Variants in MINDY4 observed in about 807,000 individuals in gnomAD.
MINDY4 encodes the protein probable ubiquitin carboxyl-terminal hydrolase MINDY-4.
In MINDY4, 68 loss-of-function variants were observed where a neutral mutation model predicts 87.0. That is an observed-to-expected ratio of 0.78 (90% CI 0.64 to 0.96). MINDY4 has a LOEUF of 0.96. MINDY4 is among the 40% of genes least tolerant of loss of function. MINDY4 has a pLI of 0.00. For synonymous variants in MINDY4, 379 were observed against 363.2 expected, an observed-to-expected ratio of 1.04 and a Z score of -0.50; for missense variants, 919 against 928.2, an observed-to-expected ratio of 0.99 and a Z score of 0.13.
At chr7:30,816,994 C>T (rs964277855) in intron 5 of MINDY4, among the ~76,000 whole-genome samples, 16 of 152,180 alleles carry the variant, frequency 1.1e-4, no homozygotes, top group African/African-American at 3.6e-4. Context: ...TTAGTGCACG[C>T]GATGACTTCT....
intron 9 of MINDY4, among the ~76,000 whole-genome samples, chr7:30,848,051 T>C (rs1025649408): frequency 6.6e-6 from 1 of 152,244 alleles, no homozygotes; most frequent in Non-Finnish European, 1.5e-5. Context: ...GCTTTTAAAA[T>C]CTTATTTGTT....
chr7:30,793,123 T>C (rs1252455144), intron 5 of MINDY4, among the ~76,000 whole-genome samples: 1 of 146,450 alleles, frequency 6.8e-6, no homozygotes, highest in African/African-American at 2.5e-5. Context: ...TTTTTTTGTT[T>C]ATATTTATAT....
chr7:30,887,020 T>C (rs1039660206), intron 17 of MINDY4, among the ~76,000 whole-genome samples: 1 of 152,192 alleles, frequency 6.6e-6, no homozygotes, highest in African/African-American at 2.4e-5. Flanking sequence ...AACCGGAGCC[T>C]GGGGCTGGGG....
chr7:30,862,466 T>C (rs1789795152), intron 13 of MINDY4, among the ~76,000 whole-genome samples: 1 of 152,182 alleles, frequency 6.6e-6, no homozygotes, highest in Non-Finnish European at 1.5e-5. Context: ...CCAGCGGCGC[T>C]CCCTGCATCC....
At chr7:30,830,269 G>T (rs1235561560) in intron 6 of MINDY4, among the ~76,000 whole-genome samples, 2 of 152,168 alleles carry the variant, frequency 1.3e-5, no homozygotes, top group East Asian at 3.9e-4. Context: ...CCTTTTTGGA[G>T]GGTGGGGTGG....
At chr7:30,874,970 A>G (rs577036312) in intron 14 of MINDY4, among the ~76,000 whole-genome samples, 147 of 152,358 alleles carry the variant, frequency 9.6e-4, no homozygotes, top group Non-Finnish European at 1.8e-3. Context: ...ATTTCAAAAT[A>G]AAAAGGTTTC....
At chr7:30,890,846 A>G (rs910067053) in intron 17 of MINDY4, among the ~76,000 whole-genome samples, 1 of 152,200 alleles carries the variant, frequency 6.6e-6, no homozygotes, top group African/African-American at 2.4e-5. Flanking sequence ...GGTGGTTCCA[A>G]GCCTTCTGTT....
At chr7:30,813,181 G>A (rs554742073) in intron 5 of MINDY4, among the ~76,000 whole-genome samples, 26 of 152,166 alleles carry the variant, frequency 1.7e-4, no homozygotes, top group Non-Finnish European at 1.5e-4. Flanking sequence ...GAGAACCAGA[G>A]CCCTGTCAGA....
At chr7:30,853,483 T>C (rs773018402) in intron 12 of MINDY4, 24 bp downstream of exon 12, 3 of 1,584,442 alleles carry the variant, frequency 1.9e-6, no homozygotes, top group Non-Finnish European at 1.7e-6. Flanking sequence ...CTTACTCCTG[T>C]GGGATGTGCG....
At chr7:30,786,174 C>A in intron 4 of MINDY4, 182 bp downstream of exon 4, 1 of 767,842 alleles carries the variant, frequency 1.3e-6, no homozygotes, top group Non-Finnish European at 2.0e-6. Flanking sequence ...ACACGTGGGG[C>A]CTTGAGCAGG....
At chr7:30,778,299 C>A in intron 1 of MINDY4, 133 bp from the exon 2 acceptor site, 1 of 1,156,684 alleles carries the variant, frequency 8.6e-7, no homozygotes. Context: ...TTAATTATTG[C>A]AAAGGTGATG....
intron 17 of MINDY4, among the ~76,000 whole-genome samples, chr7:30,887,172 A>G (rs57960748): frequency 0.21 from 31,729 of 151,954 alleles, 5,577 homozygotes; most frequent in African/African-American, 0.48. Context: ...TTCAGCTTCC[A>G]TGCTGACCAT....
chr7:30,791,534 A>G lies in MINDY4; in HGVS notation c.1033A>G (p.Arg345Gly), dbSNP rs1787322732. The change falls in exon 5 of 18, where the codon AGA becomes GGA. Residue 345 changes from arginine to glycine, a missense_variant. Coordinates refer to ENST00000265299, the MANE Select transcript of MINDY4 (RefSeq NM_032222.3). ...NSRMTQERLE[R>G]AFKRQGSQPA... ...CAGGATGACCCAGGAGAGGCTGGAA[A>G]GAGCGTTCAAACGGCAGGGCAGCCA... 2 of 1,613,654 alleles carry G rather than the reference A, an allele frequency of 1.2e-6. No individual in the cohort carries two copies. Among genetic ancestry groups the G allele is most frequent in the African/African-American group, 1.3e-5 (1 of 75,054 alleles).
intron 17 of MINDY4, among the ~76,000 whole-genome samples, chr7:30,884,766 C>G (rs752583091): frequency 7.2e-5 from 11 of 152,200 alleles, no homozygotes; most frequent in Non-Finnish European, 1.5e-4. Flanking sequence ...AGCGTGGGCC[C>G]AGGATTGGAC....
At chr7:30,829,899 A>G (rs1356021387) in intron 6 of MINDY4, among the ~76,000 whole-genome samples, 1 of 152,318 alleles carries the variant, frequency 6.6e-6, no homozygotes, top group East Asian at 1.9e-4. Flanking sequence ...AGCAATTCTC[A>G]GAAGCAGCTG....
intron 13 of MINDY4, among the ~76,000 whole-genome samples, chr7:30,865,037 A>G (rs1173968986): frequency 6.6e-6 from 1 of 152,034 alleles, no homozygotes; most frequent in Non-Finnish European, 1.5e-5. Flanking sequence ...GGTCCATGGG[A>G]TGCTCGTCAG....
At chr7:30,797,412 G>A (rs1335889438) in intron 5 of MINDY4, among the ~76,000 whole-genome samples, 1 of 152,216 alleles carries the variant, frequency 6.6e-6, no homozygotes, top group Non-Finnish European at 1.5e-5. Flanking sequence ...TAAAGAGGTA[G>A]CCAGGAAAAC....
chr7:30,862,253 C>T (rs77941117), intron 13 of MINDY4, among the ~76,000 whole-genome samples: 2 of 152,228 alleles, frequency 1.3e-5, no homozygotes, highest in South Asian at 4.1e-4. Flanking sequence ...AGAGGAAAGA[C>T]GGGAATGCCA....
intron 5 of MINDY4, among the ~76,000 whole-genome samples, chr7:30,795,390 G>C (rs1296357940): frequency 6.6e-6 from 1 of 152,116 alleles, no homozygotes; most frequent in Non-Finnish European, 1.5e-5. Context: ...GACATCTAAG[G>C]GTCAGGGCTG....
Sources: allele counts gnomAD v4.1 joint callset (sites outside exome capture counted in the v4.1 genomes callset), GRCh38; gene constraint gnomAD v4.1.1; transcripts MANE v1.5; gene names NCBI Gene and HGNC (gene_info 2026-07-23, HGNC 2026-07-21).